SEPTIN11: variants seen among roughly 807,000 people sequenced by gnomAD.
SEPTIN11 encodes septin-11.
A neutral mutation model predicts 51.4 loss-of-function variants in SEPTIN11; 25 were observed. That is an observed-to-expected ratio of 0.49 (90% CI 0.35 to 0.68). The LOEUF (loss-of-function observed/expected upper bound fraction) is 0.68. SEPTIN11 is among the 30% of genes least tolerant of loss of function. The pLI is 0.00. For synonymous variants in SEPTIN11, 174 were observed against 184.1 expected, an observed-to-expected ratio of 0.95 and a Z score of 0.44; for missense variants, 381 against 520.8, an observed-to-expected ratio of 0.73 and a Z score of 2.61.
intron 5 of SEPTIN11, among the ~76,000 whole-genome samples, chr4:77,017,481 G>C (rs756084583): frequency 2.6e-5 from 4 of 152,164 alleles, no homozygotes; most frequent in Non-Finnish European, 4.4e-5. Context: ...AGGTCCTGTT[G>C]CTCCTCAACT....
intron 2 of SEPTIN11, among the ~76,000 whole-genome samples, chr4:77,004,073 G>C (rs1874562): frequency 0.55 from 83,076 of 151,976 alleles, 23,379 homozygotes; most frequent in Non-Finnish European, 0.61. Context: ...CGAACATAAG[G>C]CTGTTTTTTT....
intron 5 of SEPTIN11, among the ~76,000 whole-genome samples, chr4:77,017,487 C>T (rs1156758295): frequency 6.6e-6 from 1 of 152,212 alleles, no homozygotes; most frequent in African/African-American, 2.4e-5. Flanking sequence ...TGTTGCTCCT[C>T]AACTTCAGGG....
chr4:77,012,686 T>G (rs1724966297), intron 4 of SEPTIN11, among the ~76,000 whole-genome samples: 1 of 152,230 alleles, frequency 6.6e-6, no homozygotes, highest in South Asian at 2.1e-4. Flanking sequence ...TGATTTTATC[T>G]AAACAACACT....
At chr4:76,963,038 C>T (rs1721887769) in intron 1 of SEPTIN11, among the ~76,000 whole-genome samples, 2 of 152,070 alleles carry the variant, frequency 1.3e-5, no homozygotes, top group Admixed American at 6.6e-5. Context: ...ATTAGCAATT[C>T]GATTTAATTT....
intron 1 of SEPTIN11, among the ~76,000 whole-genome samples, chr4:76,951,320 T>G (rs921157126): frequency 7.2e-4 from 110 of 152,364 alleles, no homozygotes; most frequent in African/African-American, 2.4e-3. Flanking sequence ...TATCGAATCA[T>G]GACTGTCTTT....
intron 1 of SEPTIN11, among the ~76,000 whole-genome samples, chr4:76,993,903 G>A (rs872564): frequency 0.52 from 78,852 of 151,464 alleles, 21,384 homozygotes; most frequent in Middle Eastern, 0.62. Flanking sequence ...GTGGCTTCTC[G>A]TGTTTTGGAA....
intron 1 of SEPTIN11, among the ~76,000 whole-genome samples, chr4:76,979,663 C>G (rs1722666973): frequency 6.6e-6 from 1 of 152,050 alleles, no homozygotes; most frequent in Non-Finnish European, 1.5e-5. Flanking sequence ...GCAGGCGGAT[C>G]ACCTGAGGTC....
At chr4:76,993,058 GTATTA>G (rs1286089465) in intron 1 of SEPTIN11, among the ~76,000 whole-genome samples, 1 of 151,444 alleles carries the variant, frequency 6.6e-6, no homozygotes, top group Non-Finnish European at 1.5e-5. Flanking sequence ...GAGGGAGGAA[GTATTA>G]GAGAGGGTGA....
At chr4:76,973,195 G>A (rs1341621895) in intron 1 of SEPTIN11, 1 of 152,086 alleles carries the variant, frequency 6.6e-6, no homozygotes, top group Non-Finnish European at 1.5e-5. Flanking sequence ...CTGTGTGGGG[G>A]GAAACAAAAA....
chr4:77,018,167 C>T (rs554140062), intron 5 of SEPTIN11, among the ~76,000 whole-genome samples: 12 of 151,998 alleles, frequency 7.9e-5, no homozygotes, highest in South Asian at 6.2e-4. Context: ...AGGCTGGGCA[C>T]GGTGACTCAC....
chr4:77,028,515 G>A (rs180792389), intron 7 of SEPTIN11, 114 bp from the exon 8 acceptor site: 2 of 1,187,450 alleles, frequency 1.7e-6, no homozygotes, highest in East Asian at 4.8e-5. Flanking sequence ...GCTTTGATCT[G>A]GCAAGCAGCA....
chr4:76,953,965 A>C (rs544916069), intron 1 of SEPTIN11, among the ~76,000 whole-genome samples: 1 of 152,352 alleles, frequency 6.6e-6, no homozygotes, highest in Admixed American at 6.5e-5. Flanking sequence ...CATCTTGTAT[A>C]AACTGCCACC....
intron 1 of SEPTIN11, among the ~76,000 whole-genome samples, chr4:76,962,435 C>G (rs1721861253): frequency 6.6e-6 from 1 of 152,308 alleles, no homozygotes; most frequent in African/African-American, 2.4e-5. Flanking sequence ...TTGTACTTAA[C>G]AAAACATTTC....
intron 1 of SEPTIN11, among the ~76,000 whole-genome samples, chr4:76,952,523 G>C (rs941656606): frequency 6.6e-6 from 1 of 152,044 alleles, no homozygotes; most frequent in African/African-American, 2.4e-5. Flanking sequence ...ACATTTTAGT[G>C]GGCAAAAATG....
In SEPTIN11 at chr4:77,035,714, C is replaced by T; in HGVS notation, c.*1202C>T. On this transcript the variant is annotated 3_prime_UTR_variant, in exon 10 of 10. Coordinates refer to ENST00000264893, the MANE Select transcript of SEPTIN11 (RefSeq NM_018243.4). ...TTTTCCTCACCTTGGCTAGCTCCAC[C>T]TGCTCTTTGTCTAAGGCCCTTGCCT... The T allele has an allele frequency of 1.0e-6, 1 of 985,906 alleles. No individual in the cohort carries two copies. The highest frequency in any genetic ancestry group is 1.2e-6 in the Non-Finnish European group (1 of 829,954). 61.1% of individuals were successfully genotyped at this position (985,906 alleles called of 1,614,324 possible).
chr4:76,950,031 C>A (rs924671017), intron 1 of SEPTIN11, 101 bp downstream of exon 1: 2 of 1,216,670 alleles, frequency 1.6e-6, no homozygotes, highest in Admixed American at 4.6e-5. Flanking sequence ...GGGTGCTCGG[C>A]CCCGCGGCGG....
At chr4:77,023,417 T>C (rs919207287) in intron 7 of SEPTIN11, among the ~76,000 whole-genome samples, 1 of 149,252 alleles carries the variant, frequency 6.7e-6, no homozygotes, top group African/African-American at 2.4e-5. Flanking sequence ...ACATATATAT[T>C]ACCAAGGCCT....
In SEPTIN11 at chr4:76,956,132, A is replaced by T. The variant is rs540047131; in HGVS notation, c.27+6202A>T. ...TACCAGTATAAATTTTGTGAATCTCATTAAGGTACTCATTAAACTTACTCT... is the reference window on the plus strand; with the variant it reads ...TACCAGTATAAATTTTGTGAATCTCTTTAAGGTACTCATTAAACTTACTCT... On this transcript the variant is annotated intron_variant, in intron 1 of 9. Coordinates refer to ENST00000264893, the MANE Select transcript of SEPTIN11 (RefSeq NM_018243.4). Among the ~76,000 whole-genome samples, 289 of 152,260 alleles carry T rather than the reference A, an allele frequency of 1.9e-3. 3 individuals are homozygous for T. The highest frequency in any genetic ancestry group is 6.4e-3 in the African/African-American group (268 of 41,556).
chr4:76,997,014 G>A (rs1486357345), intron 2 of SEPTIN11, among the ~76,000 whole-genome samples: 1 of 147,326 alleles, frequency 6.8e-6, no homozygotes, highest in Non-Finnish European at 1.5e-5. Flanking sequence ...TGAGTAGCTG[G>A]GATTACAGTA....
Sources: allele counts gnomAD v4.1 joint callset (sites outside exome capture counted in the v4.1 genomes callset), GRCh38; gene constraint gnomAD v4.1.1; transcripts MANE v1.5; gene names NCBI Gene and HGNC (gene_info 2026-07-23, HGNC 2026-07-21).